The following FANCL variants were observed in gnomAD, a reference collection of about 807,000 sequenced individuals.
FANCL encodes the protein E3 ubiquitin-protein ligase FANCL.
FANCL carries 69 observed loss-of-function variants against 59.4 expected under a neutral mutation model. The ratio of observed to expected loss-of-function variants is 1.16; its 90% CI spans 0.96 to 1.42. The LOEUF is 1.42. Ranked by LOEUF, FANCL falls within the 40% of genes most tolerant of loss-of-function variation. The pLI is 0.00. For missense variants in FANCL, 519 were observed against 447.2 expected, an observed-to-expected ratio of 1.16 and a Z score of -1.45; for synonymous variants, 180 against 147.1, an observed-to-expected ratio of 1.22 and a Z score of -1.62.
intron 1 of FANCL, among the ~76,000 whole-genome samples, chr2:58,232,465 A>G (rs1189679184): frequency 3.3e-5 from 5 of 152,102 alleles, no homozygotes; most frequent in Admixed American, 1.3e-4. Context: ...TTTATGAAAA[A>G]AGAAATTCCT....
chr2:58,176,361 G>T (rs572005576), intron 7 of FANCL, among the ~76,000 whole-genome samples: 2 of 151,632 alleles, frequency 1.3e-5, no homozygotes, highest in African/African-American at 2.4e-5. Context: ...GAGGCATCAC[G>T]CTACCTGACT....
Position 58,168,858 on chromosome 2 carries a change from C to A in FANCL, c.541-2984G>T, listed in dbSNP as rs1026510905. Among the ~76,000 whole-genome samples the A allele has an allele frequency of 3.9e-5, 6 of 152,194 alleles. No homozygotes were observed. In the East Asian group the frequency reaches 9.7e-4, roughly 25 times the overall value. On this transcript the variant is annotated intron_variant, in intron 7 of 13. Coordinates refer to ENST00000233741, the MANE Select transcript of FANCL (RefSeq NM_018062.4). ...GAAGCTGGAACTGGGCAGAGCTCAC[C>A]GCAGCTCAGCAAAGCCTCTGTAGCC...
At chr2:58,178,947 CAGAG>C (rs1384543779) in intron 7 of FANCL, among the ~76,000 whole-genome samples, 1 of 152,108 alleles carries the variant, frequency 6.6e-6, no homozygotes, top group African/African-American at 2.4e-5. Context: ...AACAGACAAA[CAGAG>C]AGACAAATTA....
At chr2:58,181,033 T>C (rs918856799) in intron 7 of FANCL, among the ~76,000 whole-genome samples, 3 of 152,054 alleles carry the variant, frequency 2.0e-5, no homozygotes, top group African/African-American at 7.2e-5. Context: ...AATATATTCC[T>C]ACCTTAACCT....
intron 3 of FANCL, among the ~76,000 whole-genome samples, chr2:58,227,780 C>CG (rs1693172779): frequency 6.6e-6 from 1 of 152,078 alleles, no homozygotes; most frequent in African/African-American, 2.4e-5. Flanking sequence ...GGCACAGGCC[C>CG]GGGGGTGGAG....
At chr2:58,201,639 T>C (rs923371316) in intron 6 of FANCL, among the ~76,000 whole-genome samples, 8 of 152,048 alleles carry the variant, frequency 5.3e-5, no homozygotes, top group Non-Finnish European at 1.2e-4. Context: ...GGGCTGCTAC[T>C]TTTGTAAAGC....
At chr2:58,211,516 T>C (rs1401323797) in intron 5 of FANCL, among the ~76,000 whole-genome samples, 1 of 152,236 alleles carries the variant, frequency 6.6e-6, no homozygotes, top group Non-Finnish European at 1.5e-5. Flanking sequence ...TTTGGCTCCT[T>C]GTTACTTATG....
chr2:58,166,469 T>G (rs550253364), intron 7 of FANCL, among the ~76,000 whole-genome samples: 1 of 152,320 alleles, frequency 6.6e-6, no homozygotes, highest in South Asian at 2.1e-4. Context: ...AATTCAGCAT[T>G]TCATATATTA....
At chr2:58,240,366 G>A (rs576014162) in intron 1 of FANCL, among the ~76,000 whole-genome samples, 1 of 152,250 alleles carries the variant, frequency 6.6e-6, no homozygotes, top group African/African-American at 2.4e-5. Context: ...GTAATGGTCA[G>A]AAAGGAAAAG....
At chr2:58,175,637 AAAT>A (rs1300252066) in intron 7 of FANCL, among the ~76,000 whole-genome samples, 1 of 152,164 alleles carries the variant, frequency 6.6e-6, no homozygotes, top group African/African-American at 2.4e-5. Flanking sequence ...ACGTATCTCA[AAAT>A]AATAAGAGCT....
chr2:58,180,067 A>G (rs1005376450), intron 7 of FANCL, among the ~76,000 whole-genome samples: 2 of 152,202 alleles, frequency 1.3e-5, no homozygotes, highest in African/African-American at 2.4e-5. Flanking sequence ...AAAAGTCAGG[A>G]AACAACAGAT....
chr2:58,224,373 A>G (rs1692770256), intron 4 of FANCL, among the ~76,000 whole-genome samples: 1 of 151,832 alleles, frequency 6.6e-6, no homozygotes, highest in Admixed American at 6.6e-5. Context: ...TTACCTTTTT[A>G]AGGTTATTAC....
intron 4 of FANCL, among the ~76,000 whole-genome samples, chr2:58,225,845 G>A (rs897991638): frequency 6.6e-6 from 1 of 152,068 alleles, no homozygotes; most frequent in South Asian, 2.1e-4. Flanking sequence ...GTAAAGAGGA[G>A]AGAGATGATG....
chr2:58,238,419 A>C (rs1694219855), intron 1 of FANCL, among the ~76,000 whole-genome samples: 1 of 152,248 alleles, frequency 6.6e-6, no homozygotes, highest in African/African-American at 2.4e-5. Context: ...CTAAGGTTTG[A>C]AGTAAATAGC....
intron 5 of FANCL, among the ~76,000 whole-genome samples, chr2:58,207,900 C>A (rs1690751608): frequency 6.6e-6 from 1 of 152,022 alleles, no homozygotes; most frequent in African/African-American, 2.4e-5. Context: ...TTACAAAAAT[C>A]TTTTTAAAAC....
intron 7 of FANCL, among the ~76,000 whole-genome samples, chr2:58,169,506 T>C (rs762069385): frequency 2.6e-5 from 4 of 151,928 alleles, no homozygotes; most frequent in Non-Finnish European, 4.4e-5. Context: ...CTCCAACGGA[T>C]CACAACTCCT....
At chr2:58,232,147 T>G (rs1425344999) in intron 1 of FANCL, 35 bp from the exon 2 acceptor site, 1 of 1,556,590 alleles carries the variant, frequency 6.4e-7, no homozygotes, top group Non-Finnish European at 8.9e-7. Context: ...ACTCAAATTT[T>G]TATCTTTCAC....
chr2:58,167,230 G>A (rs549922075), intron 7 of FANCL, among the ~76,000 whole-genome samples: 4 of 152,242 alleles, frequency 2.6e-5, no homozygotes, highest in Admixed American at 2.6e-4. Context: ...AAAAAGGTGT[G>A]AAGTAGGAAT....
chr2:58,178,020 C>A (rs1356942351), intron 7 of FANCL, among the ~76,000 whole-genome samples: 1 of 152,018 alleles, frequency 6.6e-6, no homozygotes, highest in Non-Finnish European at 1.5e-5. Flanking sequence ...GACACATACA[C>A]CCTCCCAAGA....
Sources: gnomAD v4.1 joint callset for allele counts (sites outside exome capture counted in the v4.1 genomes callset) on GRCh38, gnomAD v4.1.1 for gene constraint, MANE v1.5 for transcripts, NCBI Gene and HGNC (gene_info 2026-07-23, HGNC 2026-07-21) for gene names.